Variants in ZNF486 observed in about 807,000 individuals in gnomAD.
ZNF486 encodes KRAB box only protein 2.
In ZNF486, 12 loss-of-function variants were observed where a neutral mutation model predicts 12.8. The observed-to-expected ratio is 0.94, with a 90% CI of 0.60 to 1.52. The LOEUF is 1.52. Ranked by LOEUF, ZNF486 falls within the 40% of genes most tolerant of loss-of-function variation. ZNF486 has a pLI of 0.00. For missense variants in ZNF486, 738 were observed against 545.0 expected, an observed-to-expected ratio of 1.35 and a Z score of -3.53; for synonymous variants, 231 against 184.9, an observed-to-expected ratio of 1.25 and a Z score of -2.02.
At chr19:20,194,680 A>G (rs1555717629) in intron 3 of ZNF486, among the ~76,000 whole-genome samples, 1 of 152,082 alleles carries the variant, frequency 6.6e-6, no homozygotes, top group African/African-American at 2.4e-5. Context: ...GTGAGCCAAG[A>G]TTGCATCATT....
At chr19:20,185,900 T>C (rs2089838799) in intron 2 of ZNF486, 87 bp from the exon 3 acceptor site, 10 of 736,084 alleles carry the variant, frequency 1.4e-5, no homozygotes, top group Middle Eastern at 5.4e-4. Context: ...CTAGAATATT[T>C]TATTACATTC....
At chr19:20,168,430 G>A (rs1478539763) in intron 1 of ZNF486, among the ~76,000 whole-genome samples, 1 of 152,178 alleles carries the variant, frequency 6.6e-6, no homozygotes, top group Non-Finnish European at 1.5e-5. Context: ...CAAGGCAGGC[G>A]GATCACCTGA....
At chr19:20,174,071 T>C (rs2089679018) in intron 1 of ZNF486, among the ~76,000 whole-genome samples, 1 of 152,220 alleles carries the variant, frequency 6.6e-6, no homozygotes. Flanking sequence ...CAGATTTATT[T>C]AGATAAAAGC....
Position 20,167,351 on chromosome 19 carries a change from C to G in ZNF486, c.21C>G (p.Ser7Arg). The G allele has an allele frequency of 1.2e-6, 2 of 1,613,764 alleles. No homozygotes were observed. Among genetic ancestry groups the G allele is most frequent in the Non-Finnish European group, 1.7e-6 (2 of 1,179,804 alleles). ...CCAAGATGCCGGGACCCCTTAGAAG[C>G]CTAGAAATGGTGAGAGTGCCCATTG... MPGPLR[S>R]LEMESLQFRD... is the part of the protein sequence containing the mutation. The change falls in exon 1 of 4, where the codon AGC becomes AGG. Residue 7 changes from serine to arginine, a missense_variant. By Grantham distance (110) the Ser-to-Arg change is moderately radical. Transcript: ENST00000335117.
At chr19:20,181,809 CAGA>C (rs1177782496) in intron 1 of ZNF486, among the ~76,000 whole-genome samples, 9 of 152,218 alleles carry the variant, frequency 5.9e-5, no homozygotes, top group African/African-American at 1.2e-4. Context: ...GACAGAGAAA[CAGA>C]AGAAGAAATA....
At chr19:20,188,620 T>A (rs147694005) in intron 3 of ZNF486, 138 of 396,318 alleles carry the variant, frequency 3.5e-4, no homozygotes, top group African/African-American at 2.6e-3. Context: ...ACACTCCAGC[T>A]TGAATGACAG....
intron 1 of ZNF486, among the ~76,000 whole-genome samples, chr19:20,168,048 A>C (rs2089604297): frequency 6.6e-6 from 1 of 152,052 alleles, no homozygotes; most frequent in Non-Finnish European, 1.5e-5. Flanking sequence ...ACACAAAAAC[A>C]AAAACTACGT....
chr19:20,195,217 G>A (rs563418132), intron 3 of ZNF486, among the ~76,000 whole-genome samples: 29 of 152,244 alleles, frequency 1.9e-4, no homozygotes, highest in Middle Eastern at 6.8e-3. Flanking sequence ...TTCCCAGGCC[G>A]CAGTACAGTG....
At chr19:20,171,187 CA>C (rs1450906690) in intron 1 of ZNF486, among the ~76,000 whole-genome samples, 1 of 152,148 alleles carries the variant, frequency 6.6e-6, no homozygotes, top group Non-Finnish European at 1.5e-5. Context: ...TGGCCTGGAA[CA>C]AAACTCTGGG....
intron 1 of ZNF486, among the ~76,000 whole-genome samples, chr19:20,183,622 A>G (rs1362269167): frequency 7.2e-5 from 11 of 152,196 alleles, no homozygotes; most frequent in Non-Finnish European, 1.5e-4. Context: ...AGTGCAGTTA[A>G]TGGTTAATGA....
At chr19:20,183,051 A>C (rs1464071787) in intron 1 of ZNF486, among the ~76,000 whole-genome samples, 1 of 152,168 alleles carries the variant, frequency 6.6e-6, no homozygotes, top group Non-Finnish European at 1.5e-5. Context: ...TTTACTACTT[A>C]AAATTCTTAT....
intron 1 of ZNF486, among the ~76,000 whole-genome samples, chr19:20,169,527 T>C (rs574729357): frequency 8.5e-5 from 13 of 152,308 alleles, no homozygotes; most frequent in African/African-American, 3.1e-4. Context: ...TACGGAGCCC[T>C]GGAAAGCTGG....
At chr19:20,193,291 G>A (rs2089920266) in intron 3 of ZNF486, among the ~76,000 whole-genome samples, 1 of 149,964 alleles carries the variant, frequency 6.7e-6, no homozygotes, top group African/African-American at 2.5e-5. Context: ...AAGTTTTTAT[G>A]TACCATCTTT....
rs975436060 is a variant in ZNF486, at chr19:20,191,202, T to C, written c.253+5120T>C. On this transcript the variant is annotated intron_variant, in intron 3 of 3. Transcript: ENST00000335117. Reference sequence around the variant, plus strand: ...AAATTATGCACTTGGCTGGGCACGGTGGCTCATGCCTGTAATCCCTGCACT... The same window carrying C: ...AAATTATGCACTTGGCTGGGCACGGCGGCTCATGCCTGTAATCCCTGCACT... Among the ~76,000 whole-genome samples, 4 of 152,322 alleles carry C rather than the reference T, an allele frequency of 2.6e-5. 1 individual carries two copies. Among genetic ancestry groups the C allele is most frequent in the Admixed American group, 2.6e-4 (4 of 15,308 alleles).
chr19:20,167,440 C>A, intron 1 of ZNF486, 80 bp downstream of exon 1: 1 of 1,493,044 alleles, frequency 6.7e-7, no homozygotes, highest in Admixed American at 1.9e-5. Flanking sequence ...TCAGGCCTCC[C>A]CGTAGTCAGC....
Position 20,197,997 on chromosome 19 carries a change from T to A in ZNF486, c.1287T>A (p.Thr429=), listed in dbSNP as rs1186584557. 2 of 1,613,638 alleles carry A rather than the reference T, an allele frequency of 1.2e-6. No individual in the cohort carries two copies. The highest frequency in any genetic ancestry group is 4.5e-5 in the East Asian group (2 of 44,890). The change falls in exon 4 of 4, where the codon ACT becomes ACA. Residue 429 remains threonine (T), a synonymous_variant. Coordinates refer to ENST00000335117, the MANE Select transcript of ZNF486 (RefSeq NM_052852.4). ...SNLTEHKTTH[T]GEKPYKCKEC... ...TAACTGAACATAAGACAACTCATAC[T>A]GGAGAGAAACCTTACAAATGTAAAG...
chr19:20,191,037 C>T (rs1447361293), intron 3 of ZNF486, among the ~76,000 whole-genome samples: 1 of 152,168 alleles, frequency 6.6e-6, no homozygotes, highest in East Asian at 1.9e-4. Flanking sequence ...TGCTCTGTTT[C>T]ATTAACATAT....
chr19:20,177,598 A>G (rs56049711), intron 1 of ZNF486, among the ~76,000 whole-genome samples: 1 of 152,194 alleles, frequency 6.6e-6, no homozygotes, highest in African/African-American at 2.4e-5. Flanking sequence ...GTTTTTTGAG[A>G]TGGAGTTTCA....
rs2089989977 is a variant in ZNF486, at chr19:20,199,128, GA to G, written c.*1028del. The G allele has an allele frequency of 6.6e-6, 1 of 152,080 alleles. No individual in the cohort carries two copies. Among genetic ancestry groups the G allele is most frequent in the Non-Finnish European group, 1.5e-5 (1 of 68,028 alleles). 9.4% of individuals were successfully genotyped at this position (152,080 alleles called of 1,614,324 possible). ...TTGAGAAAAATTGTACAAATATAAA[GA>G]ATATGGAAAAGCCATTAATGTCCAT... On this transcript the variant is annotated 3_prime_UTR_variant, in exon 4 of 4. Transcript: ENST00000335117.
Sources: gnomAD v4.1 joint callset for allele counts (sites outside exome capture counted in the v4.1 genomes callset) on GRCh38, gnomAD v4.1.1 for gene constraint, MANE v1.5 for transcripts, NCBI Gene and HGNC (gene_info 2026-07-23, HGNC 2026-07-21) for gene names.